WDR81: variants seen among roughly 807,000 people sequenced by gnomAD.
WDR81 encodes the protein WD repeat-containing protein 81.
WDR81 carries 92 observed loss-of-function variants against 140.8 expected under a neutral mutation model. The observed-to-expected ratio is 0.65, with a 90% CI of 0.55 to 0.78. WDR81 has a LOEUF of 0.78. WDR81 is among the 30% of genes least tolerant of loss of function. The pLI, the probability that WDR81 is intolerant of heterozygous loss-of-function variation, is 0.00. For synonymous variants in WDR81, 1,183 were observed against 1,156.4 expected (o/e 1.02, Z -0.47); for missense variants, 2,502 against 2,636.4 (o/e 0.95, Z 1.12).
rs1477953674 is a variant in WDR81, at chr17:1,728,613, G to A, written c.3654G>A (p.Gln1218=). 6.8e-7 allele frequency: 1 copy of A among 1,468,726 alleles called. No homozygotes were observed. The highest frequency in any genetic ancestry group is 9.1e-7 in the Non-Finnish European group (1 of 1,103,946). The allele number at this position is 1,468,726 out of a possible 1,614,324, so 91.0% of individuals were successfully genotyped here. ...CTGAGCAGTCAGAAGGCAAAGAACA[G>A]AAGATCCTCCTTGGTAAGTTCCCAG... is the stretch of plus-strand genomic sequence containing the variant. The part of the protein sequence containing the change: ...ALPEQSEGKE[Q]KILLDTACKM... The change falls in exon 1 of 10, where the codon CAG becomes CAA. Residue 1218 remains glutamine, a synonymous_variant. Transcript: ENST00000409644.
In WDR81 at chr17:1,737,256, C is replaced by T. The variant is rs58026799; in HGVS notation, c.5506-109C>T. ...GTGGCGGCTTGTCACCCACCCAGGACGGCCTGTCTCCCTGGAGAGAAACTG... is the reference window on the plus strand; with the variant it reads ...GTGGCGGCTTGTCACCCACCCAGGATGGCCTGTCTCCCTGGAGAGAAACTG... On this transcript the variant is annotated intron_variant, in intron 9 of 9. Transcript: ENST00000409644. 11,845 of 1,116,926 alleles carry T rather than the reference C, an allele frequency of 0.011. 828 individuals carry two copies. In the African/African-American group the frequency reaches 0.16, roughly 15 times the overall value. The allele number at this position is 1,116,926 out of a possible 1,614,324, so 69.2% of individuals were successfully genotyped here.
At position 1,737,774 on chromosome 17, in the gene WDR81, A is replaced by G; in HGVS notation, c.*89A>G. The G allele has an allele frequency of 6.8e-7, 1 of 1,463,302 alleles. No homozygotes were observed. The highest frequency in any genetic ancestry group is 2.4e-4 in the Middle Eastern group (1 of 4,230). The allele number at this position is 1,463,302 out of a possible 1,614,324, so 90.6% of individuals were successfully genotyped here. A position where few individuals can be genotyped will look rare whatever the true frequency, so the allele number is the denominator to read the frequency against. Reference sequence around the variant, plus strand: ...TGTTCCCTGAGCAGCAGCTCCCTCCAGGGAGGCCCTGGGTCCCACGCCCTG... The same window carrying G: ...TGTTCCCTGAGCAGCAGCTCCCTCCGGGGAGGCCCTGGGTCCCACGCCCTG... On this transcript the variant is annotated 3_prime_UTR_variant, in exon 10 of 10. Coordinates refer to ENST00000409644, the MANE Select transcript of WDR81 (RefSeq NM_001163809.2).
chr17:1,724,865 C>A lies in WDR81; in HGVS notation c.-95C>A, dbSNP rs1345887023. On this transcript the variant is annotated 5_prime_UTR_variant, in exon 1 of 10. Coordinates refer to ENST00000409644, the MANE Select transcript of WDR81 (RefSeq NM_001163809.2). ...TCCGCCCCAGCCCCTGTCCCGCGCCCATCCCAGCCCCGCCGGCCTGGCACC... is the reference window on the plus strand; with the variant it reads ...TCCGCCCCAGCCCCTGTCCCGCGCCAATCCCAGCCCCGCCGGCCTGGCACC... 1.6e-6 allele frequency: 2 copies of A among 1,246,912 alleles called. No homozygotes were observed. Among genetic ancestry groups the A allele is most frequent in the South Asian group, 3.4e-5 (1 of 29,238 alleles). 77.2% of individuals were successfully genotyped at this position (1,246,912 alleles called of 1,614,324 possible). A position where few individuals can be genotyped will look rare whatever the true frequency, so the allele number is the denominator to read the frequency against.
rs758528747 is a variant in WDR81, at chr17:1,736,108, C to A, written c.5395C>A (p.Arg1799Ser). Reference protein sequence around the residue: ...VRALAISPSGRSVVAGFSSGF... With the variant: ...VRALAISPSGSSVVAGFSSGF... ...TGCCCTGGCCATCAGCCCCAGTGGC[C>A]GTAGTGTCGTGGCCGGCTTCTCCTC... Residue 1799 changes from arginine to serine, a missense_variant, in exon 9 of 10, where the codon CGT (arginine) becomes AGT (serine). Arg to Ser is a moderately radical substitution (Grantham distance 110). This residue lies in a region of WDR81 where 1,737 missense variants were observed against 1,843.0 expected (regional missense o/e 0.94). Transcript: ENST00000409644. 2.5e-6 allele frequency: 4 copies of A among 1,602,560 alleles called. No individual in the cohort carries two copies.
rs1333895273 is a variant in WDR81 at position 1,725,484 on chromosome 17, C to T, written c.525C>T (p.Asp175=). ...SPAPSAVPAL[D]SVRQALQRVY... is the part of the protein sequence containing the mutation. ...CCCCCTCAGCTGTCCCTGCCTTGGA[C>T]TCAGTACGGCAGGCTCTGCAGAGGG... The change falls in exon 1 of 10, where the codon GAC becomes GAT. Residue 175 remains aspartate (D), a synonymous_variant. Coordinates refer to ENST00000409644, the MANE Select transcript of WDR81 (RefSeq NM_001163809.2). The T allele has an allele frequency of 6.5e-7, 1 of 1,548,250 alleles. No individual in the cohort carries two copies. Among genetic ancestry groups the T allele is most frequent in the East Asian group, 2.4e-5 (1 of 40,924 alleles).
At position 1,725,841 on chromosome 17, in the gene WDR81, G is replaced by T. The variant is rs755654990; in HGVS notation, c.882G>T (p.Lys294Asn). Residue 294 changes from lysine (K) to asparagine (N), a missense_variant, in exon 1 of 10, where the codon AAG (lysine) becomes AAT (asparagine). By Grantham distance (94) the Lys-to-Asn change is moderately conservative (BLOSUM62 0). Coordinates refer to ENST00000409644, the MANE Select transcript of WDR81 (RefSeq NM_001163809.2). The stretch of plus-strand genomic sequence containing the variant: ...TGTATCACATCGCAGTGGATGAGAA[G>T]CTTTGCAGCGAGCTGCGACTGGACC... ...LSLYHIAVDEKLCSELRLDLS... is the reference protein window; with the variant it reads ...LSLYHIAVDENLCSELRLDLS... The T allele has an allele frequency of 1.3e-6, 2 of 1,550,698 alleles. No homozygotes were observed. Among genetic ancestry groups the T allele is most frequent in the South Asian group, 1.2e-5 (1 of 84,066 alleles).
Position 1,733,531 on chromosome 17 carries a change from C to T in WDR81, c.4494C>T (p.Asp1498=), listed in dbSNP as rs755351176. 1 of 1,516,466 alleles carries T rather than the reference C, an allele frequency of 6.6e-7. No homozygotes were observed. Among genetic ancestry groups the T allele is most frequent in the South Asian group, 1.3e-5 (1 of 75,304 alleles). 93.9% of individuals were successfully genotyped at this position (1,516,466 alleles called of 1,614,324 possible). A position where few individuals can be genotyped will look rare whatever the true frequency, so the allele number is the denominator to read the frequency against. Residue 1498 remains aspartate, a synonymous_variant, in exon 7 of 10, where the codon GAC becomes GAT. Coordinates refer to ENST00000409644, the MANE Select transcript of WDR81 (RefSeq NM_001163809.2). ...IYVPFSCLLG[D]IIRKIIPNHE... ...ACCTCTCCCACTCCTATCCAGGTGA[C>T]ATCATCCGGAAAATCATCCCCAACC...
intron 5 of WDR81, 37 bp from the exon 6 acceptor site, chr17:1,732,629 G>A: frequency 6.3e-7 from 1 of 1,579,962 alleles, no homozygotes; most frequent in Non-Finnish European, 8.6e-7. Flanking sequence ...GGTGGGAGCT[G>A]TGGACCCGGC....
Position 1,727,578 on chromosome 17 carries a change from C to G in WDR81, c.2619C>G (p.Phe873Leu), listed in dbSNP as rs1915372721. The change falls in exon 1 of 10, where the codon TTC becomes TTG. Residue 873 changes from phenylalanine to leucine, a missense_variant. Transcript: ENST00000409644. ...GCCCCTTCAGCTCCGTGGTTCCCTT[C>G]CCACCCTACTTCCCGGCACTGCACA... ...LLSPFSSVVP[F>L]PPYFPALHRF... is the part of the protein sequence containing the mutation. The G allele has an allele frequency of 6.4e-7, 1 of 1,550,510 alleles. No homozygotes were observed. Among genetic ancestry groups the G allele is most frequent in the African/African-American group, 1.4e-5 (1 of 73,176 alleles).
chr17:1,730,764 G>C lies in WDR81; in HGVS notation c.3785G>C (p.Arg1262Pro). The C allele has an allele frequency of 1.2e-6, 2 of 1,608,966 alleles. No individual in the cohort carries two copies. Among genetic ancestry groups the C allele is most frequent in the Non-Finnish European group, 1.7e-6 (2 of 1,178,018 alleles). The part of the protein sequence containing the change: ...LLTSCYVGPT[R>P]QQFTVSSGES... Reference sequence around the variant, plus strand: ...GGCCCTTCCGTGGCAGGACCCACTCGGCAGCAGTTCACAGTGAGCAGTGGC... The same window carrying C: ...GGCCCTTCCGTGGCAGGACCCACTCCGCAGCAGTTCACAGTGAGCAGTGGC... Residue 1262 changes from arginine to proline, a missense_variant, in exon 3 of 10, where the codon CGG becomes CCG. Physicochemically the swap from Arg to Pro is moderately radical, Grantham distance 103. Transcript: ENST00000409644.
rs1305289397 is a variant in WDR81 at position 1,727,710 on chromosome 17, C to G, written c.2751C>G (p.Thr917=). The change falls in exon 1 of 10, where the codon ACC becomes ACG. Residue 917 remains threonine (T), a synonymous_variant. Transcript: ENST00000409644. ...TGGGCGCGGTGCTGAAGGACATCAC[C>G]CCTGAGGGCCTGGAGATCCTGCTGC... ...QQLGAVLKDI[T]PEGLEILLPF... The G allele has an allele frequency of 1.2e-5, 19 of 1,550,466 alleles. No individual in the cohort carries two copies. The Admixed American group carries it at 3.7e-4, about 30-fold the overall frequency.
upstream of WDR81, among the ~76,000 whole-genome samples, chr17:1,720,366 GCTGTTACAGA>G (rs1914798565): frequency 6.6e-6 from 1 of 152,232 alleles, no homozygotes; most frequent in Non-Finnish European, 1.5e-5. Flanking sequence ...CCGGAAGAGA[GCTGTTACAGA>G]CGTTACTTCT....
intron 1 of WDR81, chr17:1,716,737 C>A (rs1302353174): frequency 2.3e-6 from 3 of 1,307,000 alleles, no homozygotes; most frequent in Admixed American, 4.2e-5. Flanking sequence ...TTTAGACATT[C>A]CCCAAACTGA....
At chr17:1,717,709 G>A (rs1914655001) in intron 1 of WDR81, among the ~76,000 whole-genome samples, 1 of 152,178 alleles carries the variant, frequency 6.6e-6, no homozygotes, top group Non-Finnish European at 1.5e-5. Flanking sequence ...AGAACGTGGG[G>A]GATGTGATTG....
intron 1 of WDR81, among the ~76,000 whole-genome samples, chr17:1,729,942 G>C (rs1048955166): frequency 1.3e-5 from 2 of 150,178 alleles, no homozygotes; most frequent in Admixed American, 1.3e-4. Flanking sequence ...AATGAACTGA[G>C]ATTGTGCCAT....
intron 6 of WDR81, 112 bp from the exon 7 acceptor site, chr17:1,733,415 G>A: frequency 1.9e-6 from 2 of 1,080,504 alleles, no homozygotes; most frequent in Non-Finnish European, 2.6e-6. Context: ...TACTTGCCCA[G>A]AGTTGCAGAG....
At chr17:1,723,509 G>C (rs1029128624), upstream of WDR81, among the ~76,000 whole-genome samples, 2 of 100,436 alleles carry the variant, frequency 2.0e-5, no homozygotes, top group Non-Finnish European at 4.3e-5. Context: ...TCTTTTTGAC[G>C]GAGTCTCGCT....
At position 1,735,449 on chromosome 17, in the gene WDR81, A is replaced by C; in HGVS notation, c.5180-123A>C. 9.5e-7 allele frequency: 1 copy of C among 1,053,972 alleles called. No homozygotes were observed. Among genetic ancestry groups the C allele is most frequent in the Non-Finnish European group, 1.3e-6 (1 of 755,186 alleles). The allele number at this position is 1,053,972 out of a possible 1,614,324, so 65.3% of individuals were successfully genotyped here. A position where few individuals can be genotyped will look rare whatever the true frequency, so the allele number is the denominator to read the frequency against. On this transcript the variant is annotated intron_variant, in intron 7 of 9. Coordinates refer to ENST00000409644, the MANE Select transcript of WDR81 (RefSeq NM_001163809.2). The surrounding 1 kb of genome is among the most constrained non-coding windows in gnomAD (Gnocchi z 4.2). ...ATCTCAAAAAAAGAGAAACATCTTT[A>C]GCATTTTCTAAGGATCCCTGGGGGA... is the stretch of plus-strand genomic sequence containing the variant.
rs148119667 is a variant in WDR81, at chr17:1,724,766, G to A, written c.-194G>A. 3.4e-3 allele frequency: 3,912 copies of A among 1,149,984 alleles called. 93 individuals are homozygous for A. The African/African-American group carries it at 0.056, about 16-fold the overall frequency. 71.2% of individuals were successfully genotyped at this position (1,149,984 alleles called of 1,614,324 possible). ...GGCAGCCTCTGCCCCGCCGCGCCCG[G>A]AGCGCAGGACCCGCGGAGGGGTAAG... On this transcript the variant is annotated 5_prime_UTR_variant, in exon 1 of 10. Transcript: ENST00000409644.
Sources: gnomAD v4.1 joint callset for allele counts (sites outside exome capture counted in the v4.1 genomes callset) on GRCh38, gnomAD v4.1.1 for gene constraint, gnomAD v4.1.1 regional missense constraint, Gnocchi (gnomAD v3.1) non-coding constraint, MANE v1.5 for transcripts, NCBI Gene and HGNC (gene_info 2026-07-23, HGNC 2026-07-21) for gene names.